The following RAB25 variants were observed in gnomAD, a reference collection of about 807,000 sequenced individuals.
The protein encoded by RAB25 is ras-related protein Rab-25.
In RAB25, 23 loss-of-function variants were observed where a neutral mutation model predicts 25.2. The observed-to-expected ratio is 0.91, with a 90% CI of 0.66 to 1.29. The LOEUF is 1.29. RAB25 is among the 50% of genes most tolerant of loss of function. RAB25 has a pLI of 0.00. For missense variants in RAB25, 244 were observed against 277.3 expected, an observed-to-expected ratio of 0.88 and a Z score of 0.85; for synonymous variants, 102 against 111.5, an observed-to-expected ratio of 0.91 and a Z score of 0.54.
At chr1:156,069,842 G>A in intron 4 of RAB25, 91 bp downstream of exon 4, 1 of 1,202,540 alleles carries the variant, frequency 8.3e-7, no homozygotes, top group Non-Finnish European at 1.2e-6. Context: ...CCTCACCCCA[G>A]CTAATTTCTC....
chr1:156,061,594 G>A, intron 1 of RAB25, 151 bp downstream of exon 1: 1 of 817,048 alleles, frequency 1.2e-6, no homozygotes, highest in Non-Finnish European at 2.0e-6. Flanking sequence ...AGGGAGTGGG[G>A]GAGGGTCTGG....
chr1:156,068,144 G>A lies in RAB25; in HGVS notation c.240-126G>A, dbSNP rs371175770. 3.5e-4 allele frequency: 305 copies of A among 861,428 alleles called. 1 individual carries two copies. In the African/African-American group the frequency reaches 3.6e-3, roughly 10 times the overall value. 53.4% of individuals were successfully genotyped at this position (861,428 alleles called of 1,614,324 possible). A position where few individuals can be genotyped will look rare whatever the true frequency, so the allele number is the denominator to read the frequency against. On this transcript the variant is annotated intron_variant, in intron 2 of 4. Transcript: ENST00000361084. Reference sequence around the variant, plus strand: ...TCTGTTGGGTTCTGGGCCCCTGGCCGCAAGTTTCTGTATTTCCTGATCTCT... The same window carrying A: ...TCTGTTGGGTTCTGGGCCCCTGGCCACAAGTTTCTGTATTTCCTGATCTCT...
chr1:156,067,062 G>A (rs1377370126), intron 2 of RAB25, among the ~76,000 whole-genome samples: 4 of 151,858 alleles, frequency 2.6e-5, no homozygotes, highest in African/African-American at 9.7e-5. Flanking sequence ...TGAAACCCCC[G>A]TCTCTACTAA....
chr1:156,063,842 T>C (rs552676953), intron 1 of RAB25, among the ~76,000 whole-genome samples: 103 of 152,300 alleles, frequency 6.8e-4, no homozygotes, highest in African/African-American at 2.4e-3. Context: ...AAAATAGTAA[T>C]GGGATTCATG....
chr1:156,062,446 C>T (rs888857945), intron 1 of RAB25, among the ~76,000 whole-genome samples: 1 of 152,082 alleles, frequency 6.6e-6, no homozygotes, highest in Admixed American at 6.6e-5. Context: ...GGTGGACTCT[C>T]CAGCCACCCT....
intron 1 of RAB25, 69 bp downstream of exon 1, chr1:156,061,512 G>C (rs1647580310): frequency 1.3e-6 from 2 of 1,519,488 alleles, no homozygotes; most frequent in East Asian, 2.3e-5. Flanking sequence ...GAGCCAGAGA[G>C]GGCCCCCTCC....
Position 156,061,452 on chromosome 1 carries a change from G to T in RAB25, c.43+9G>T. 2 of 1,613,682 alleles carry T rather than the reference G, an allele frequency of 1.2e-6. No individual in the cohort carries two copies. The highest frequency in any genetic ancestry group is 1.7e-6 in the Non-Finnish European group (2 of 1,179,670). ...TAACTTTGTCTTCAAGGGTGAGTTG[G>T]GTTCCCTGAAGCAAGAGGAAGCCTG... On this transcript the variant is annotated intron_variant, in intron 1 of 4. Transcript: ENST00000361084.
In RAB25 at chr1:156,069,841, A is replaced by C. The variant is rs994340609; in HGVS notation, c.514+90A>C. 9.1e-6 allele frequency: 11 copies of C among 1,204,676 alleles called. No homozygotes were observed. The Admixed American group carries it at 1.9e-4, about 21-fold the overall frequency. The allele number at this position is 1,204,676 out of a possible 1,614,324, so 74.6% of individuals were successfully genotyped here. ...AATGCAGACACTCAGCCCTCACCCC[A>C]GCTAATTTCTCAGCTCCTCTGTGGG... On this transcript the variant is annotated intron_variant, in intron 4 of 4. Coordinates refer to ENST00000361084, the MANE Select transcript of RAB25 (RefSeq NM_020387.4).
chr1:156,068,209 T>C, intron 2 of RAB25, 61 bp from the exon 3 acceptor site: 1 of 1,431,616 alleles, frequency 7.0e-7, no homozygotes, highest in Non-Finnish European at 9.8e-7. Flanking sequence ...ACGGCTCTGC[T>C]CTGATGCTGG....
rs1647660133 is a variant in RAB25 at position 156,063,694 on chromosome 1, G to A, written c.44-2217G>A. 2.0e-5 allele frequency among the ~76,000 whole-genome samples: 3 copies of A among 152,360 alleles called. No homozygotes were observed. In the South Asian group the frequency reaches 6.2e-4, roughly 32 times the overall value. On this transcript the variant is annotated intron_variant, in intron 1 of 4. Coordinates refer to ENST00000361084, the MANE Select transcript of RAB25 (RefSeq NM_020387.4). The stretch of plus-strand genomic sequence containing the variant: ...AGCTGACAGCTGGAGCCTGTCTGCA[G>A]CCTGCACTCCCTGCAGCTTGGGGCA...
At chr1:156,067,808 A>G (rs138603824) in intron 2 of RAB25, among the ~76,000 whole-genome samples, 291 of 152,322 alleles carry the variant, frequency 1.9e-3, no homozygotes, top group African/African-American at 7.0e-3. Context: ...GCTGGAGTGC[A>G]ATGGAGCGAT....
At position 156,066,017 on chromosome 1, in the gene RAB25, C is replaced by T; in HGVS notation, c.150C>T (p.Ser50=). 1.2e-6 allele frequency: 2 copies of T among 1,614,068 alleles called. No individual in the cohort carries two copies. Among genetic ancestry groups the T allele is most frequent in the Non-Finnish European group, 1.7e-6 (2 of 1,179,940 alleles). The stretch of plus-strand genomic sequence containing the variant: ...GCACCACCATCGGGGTTGAGTTCTC[C>T]ACCCGCACTGTGATGTTGGGCACCG... ...DSRTTIGVEF[S]TRTVMLGTAA... is the part of the protein sequence containing the mutation. Residue 50 remains serine (S), a synonymous_variant, in exon 2 of 5, where the codon TCC becomes TCT. Transcript: ENST00000361084.
intron 1 of RAB25, among the ~76,000 whole-genome samples, chr1:156,063,598 G>C (rs887787616): frequency 6.6e-5 from 10 of 152,172 alleles, no homozygotes; most frequent in African/African-American, 2.4e-4. Flanking sequence ...TTGAGCACTG[G>C]GTGTAGGCTG....
intron 2 of RAB25, 127 bp downstream of exon 2, chr1:156,066,233 G>A: frequency 1.3e-6 from 1 of 790,868 alleles, no homozygotes; most frequent in Non-Finnish European, 1.9e-6. Flanking sequence ...GGTGGGGATG[G>A]AGATCACAGA....
chr1:156,068,229 C>T (rs1347891775), intron 2 of RAB25, 41 bp from the exon 3 acceptor site: 1 of 1,533,456 alleles, frequency 6.5e-7, no homozygotes, highest in South Asian at 1.1e-5. Flanking sequence ...GGTCCAATGC[C>T]TCTGATCGTA....
chr1:156,070,446 T>A lies in RAB25; in HGVS notation c.*159T>A. On this transcript the variant is annotated 3_prime_UTR_variant, in exon 5 of 5. Transcript: ENST00000361084. ...GTCTTCATGCCCTATCACAAATACCTCTTTTATCTGTCCACCCCTCACAGA... is the reference window on the plus strand; with the variant it reads ...GTCTTCATGCCCTATCACAAATACCACTTTTATCTGTCCACCCCTCACAGA... 1.1e-6 allele frequency: 1 copy of A among 925,802 alleles called. No individual in the cohort carries two copies. The highest frequency in any genetic ancestry group is 1.6e-6 in the Non-Finnish European group (1 of 625,452). The allele number at this position is 925,802 out of a possible 1,614,324, so 57.3% of individuals were successfully genotyped here.
chr1:156,064,102 A>G (rs1204842138), intron 1 of RAB25, among the ~76,000 whole-genome samples: 3 of 152,116 alleles, frequency 2.0e-5, no homozygotes, highest in African/African-American at 4.8e-5. Context: ...AGATGTGCCC[A>G]GTAGGGGAGA....
chr1:156,069,888 C>T, intron 4 of RAB25, 137 bp downstream of exon 4: 2 of 890,988 alleles, frequency 2.2e-6, no homozygotes, highest in Non-Finnish European at 1.8e-6. Context: ...CTGCCTGTCC[C>T]CCTCAGTCCC....
intron 2 of RAB25, 49 bp downstream of exon 2, chr1:156,066,155 T>C: frequency 7.3e-7 from 1 of 1,369,260 alleles, no homozygotes. Context: ...TCTGGGGAAG[T>C]CGAGGAACAC....
Sources: allele counts gnomAD v4.1 joint callset (sites outside exome capture counted in the v4.1 genomes callset), GRCh38; gene constraint gnomAD v4.1.1; transcripts MANE v1.5; gene names NCBI Gene and HGNC (gene_info 2026-07-23, HGNC 2026-07-21).